USP47: variants seen among roughly 807,000 people sequenced by gnomAD.
The protein encoded by USP47 is ubiquitin specific peptidase 47.
A neutral mutation model predicts 165.1 loss-of-function variants in USP47; 35 were observed. The ratio of observed to expected loss-of-function variants is 0.21; its 90% CI spans 0.16 to 0.28. USP47 has a LOEUF of 0.28. Among genes scored for constraint, USP47 ranks in the 10% least tolerant of loss-of-function variants. USP47 has a pLI of 1.00. For synonymous variants in USP47, 531 were observed against 544.5 expected (o/e 0.98, Z 0.35); for missense variants, 1,277 against 1,607.4 (o/e 0.79, Z 3.52).
chr11:11,876,730 T>C (rs959855257), intron 1 of USP47, among the ~76,000 whole-genome samples: 1 of 152,212 alleles, frequency 6.6e-6, no homozygotes, highest in African/African-American at 2.4e-5. Context: ...AGCATGCTGA[T>C]TGATCCCAGG....
chr11:11,943,671 C>G (rs901936107), intron 20 of USP47: 1 of 152,064 alleles, frequency 6.6e-6, no homozygotes, highest in Non-Finnish European at 1.5e-5. Flanking sequence ...GGGAAAAGAT[C>G]TGAGAGTTTG....
intron 8 of USP47, among the ~76,000 whole-genome samples, chr11:11,916,918 G>A (rs929634486): frequency 6.6e-6 from 1 of 152,152 alleles, no homozygotes; most frequent in African/African-American, 2.4e-5. Context: ...GAGAGGCTGA[G>A]GCAGGAGGAT....
chr11:11,927,633 A>G (rs940568529), intron 11 of USP47, among the ~76,000 whole-genome samples: 3 of 152,102 alleles, frequency 2.0e-5, no homozygotes, highest in Non-Finnish European at 4.4e-5. Flanking sequence ...TTCATTTGCT[A>G]CATTTTGGAG....
intron 8 of USP47, among the ~76,000 whole-genome samples, chr11:11,906,992 A>C (rs1175726202): frequency 6.6e-6 from 1 of 152,120 alleles, no homozygotes; most frequent in Non-Finnish European, 1.5e-5. Flanking sequence ...CCATATATAC[A>C]TTTAATTTAG....
intron 1 of USP47, among the ~76,000 whole-genome samples, chr11:11,863,871 C>T (rs1590246919): frequency 6.6e-6 from 1 of 152,090 alleles, no homozygotes; most frequent in African/African-American, 2.4e-5. Flanking sequence ...TATTTTCTGG[C>T]AGTACAAGGT....
intron 11 of USP47, among the ~76,000 whole-genome samples, chr11:11,923,685 T>A (rs1388787200): frequency 6.6e-6 from 1 of 152,218 alleles, no homozygotes; most frequent in African/African-American, 2.4e-5. Context: ...TAGGGATTTT[T>A]AAGGCAATAT....
At chr11:11,874,134 T>C (rs2134262753) in intron 1 of USP47, among the ~76,000 whole-genome samples, 1 of 152,356 alleles carries the variant, frequency 6.6e-6, no homozygotes, top group East Asian at 1.9e-4. Context: ...TTTTTCCAGA[T>C]ATATTTATTT....
intron 1 of USP47, among the ~76,000 whole-genome samples, chr11:11,850,315 C>A (rs1296776862): frequency 7.0e-6 from 1 of 142,226 alleles, no homozygotes; most frequent in Non-Finnish European, 1.5e-5. Context: ...CATTTTTTTT[C>A]TTTGCTTTCT....
At chr11:11,892,132 A>C (rs372769356) in intron 4 of USP47, 26 bp downstream of exon 4, 2 of 1,604,478 alleles carry the variant, frequency 1.2e-6, no homozygotes, top group Non-Finnish European at 1.7e-6. Context: ...TTTTCATAAA[A>C]TCATAGGGCA....
rs752027703 is a variant in USP47 at position 11,943,078 on chromosome 11, T to C, written c.3057T>C (p.Tyr1019=). 46 of 1,612,886 alleles carry C rather than the reference T, an allele frequency of 2.9e-5. No homozygotes were observed. Among genetic ancestry groups the C allele is most frequent in the Non-Finnish European group, 3.7e-5 (44 of 1,179,406 alleles). The change falls in exon 20 of 28, where the codon TAT becomes TAC. Residue 1019 remains tyrosine, a synonymous_variant. Transcript: ENST00000527733. The stretch of plus-strand genomic sequence containing the variant: ...ACATGTATTTCAAAGCTGAACCTTA[T>C]GCTGCAGATGAAGGTTCTGGGGAAG... The part of the protein sequence containing the change: ...MQYMYFKAEP[Y]AADEGSGEGH...
chr11:11,878,453 T>G (rs1406117975), intron 1 of USP47, among the ~76,000 whole-genome samples: 1 of 152,212 alleles, frequency 6.6e-6, no homozygotes, highest in East Asian at 1.9e-4. Flanking sequence ...TCTTTCATCA[T>G]AAACCAGCAT....
chr11:11,847,794 A>C (rs182328744), intron 1 of USP47, among the ~76,000 whole-genome samples: 2 of 152,196 alleles, frequency 1.3e-5, no homozygotes, highest in Admixed American at 1.3e-4. Context: ...TGCCAGGGTT[A>C]CTTTCTAAAA....
At chr11:11,882,340 C>A (rs546276916) in intron 2 of USP47, among the ~76,000 whole-genome samples, 12 of 152,266 alleles carry the variant, frequency 7.9e-5, no homozygotes, top group African/African-American at 2.9e-4. Flanking sequence ...ATTTGGAGTA[C>A]ATATTTTAAG....
In USP47 at chr11:11,866,795, T is replaced by C. The variant is rs76525152; in HGVS notation, c.40-13382T>C. On this transcript the variant is annotated intron_variant, in intron 1 of 27. Coordinates refer to ENST00000527733, the MANE Select transcript of USP47 (RefSeq NM_001282659.2). ...ATGAAAGTATCATGCTCCAGTCTTA[T>C]GGCCCACACTTTTTCCTATTGACAA... Among the ~76,000 whole-genome samples the C allele has an allele frequency of 8.8e-3, 1,337 of 152,328 alleles. 17 individuals carry two copies. Among genetic ancestry groups the C allele is most frequent in the South Asian group, 0.025 (122 of 4,820 alleles).
rs1235401684 is a variant in USP47 at position 11,930,750 on chromosome 11, A to G, written c.1650A>G (p.Ala550=). The G allele has an allele frequency of 1.9e-6, 3 of 1,603,980 alleles. No individual in the cohort carries two copies. Among genetic ancestry groups the G allele is most frequent in the Non-Finnish European group, 2.6e-6 (3 of 1,176,224 alleles). Residue 550 remains alanine, a splice_region_variant and synonymous_variant, in exon 14 of 28, where the codon GCA becomes GCG. Transcript: ENST00000527733. ...GACTGAAGGATCCAGCCAGAAATGC[A>G]AGTATGTTTACCTACAGTTATTTGA... The part of the protein sequence containing the change: ...IYRLKDPARN[A]KFLEVDEYPE...
chr11:11,854,811 A>C (rs1848933342), intron 1 of USP47, among the ~76,000 whole-genome samples: 1 of 147,280 alleles, frequency 6.8e-6, no homozygotes, highest in Admixed American at 6.8e-5. Flanking sequence ...TGGAACACAT[A>C]GGCCGGGTGT....
Position 11,903,146 on chromosome 11 carries a change from A to G in USP47, c.740-117A>G, listed in dbSNP as rs1852335617. 5.0e-6 allele frequency: 5 copies of G among 998,614 alleles called. No individual in the cohort carries two copies. In the East Asian group the frequency reaches 8.1e-5, roughly 16 times the overall value. 61.9% of individuals were successfully genotyped at this position (998,614 alleles called of 1,614,324 possible). A position where few individuals can be genotyped will look rare whatever the true frequency, so the allele number is the denominator to read the frequency against. ...CATGTATATTCTTATGTTCTTTTTT[A>G]AATTTGGCATTATTTAAGGTAGACT... On this transcript the variant is annotated intron_variant, in intron 6 of 27. Coordinates refer to ENST00000527733, the MANE Select transcript of USP47 (RefSeq NM_001282659.2).
chr11:11,864,153 C>G (rs963427571), intron 1 of USP47, among the ~76,000 whole-genome samples: 2 of 151,540 alleles, frequency 1.3e-5, no homozygotes, highest in African/African-American at 4.8e-5. Flanking sequence ...ATATTAATTC[C>G]TTTAATAAAC....
chr11:11,948,885 C>A (rs1048115395), intron 22 of USP47: 2 of 215,064 alleles, frequency 9.3e-6, no homozygotes, highest in Non-Finnish European at 1.9e-5. Flanking sequence ...TGAAATGAGA[C>A]AAAATTTTCC....
Sources: allele counts gnomAD v4.1 joint callset (sites outside exome capture counted in the v4.1 genomes callset), GRCh38; gene constraint gnomAD v4.1.1; transcripts MANE v1.5; gene names NCBI Gene and HGNC (gene_info 2026-07-23, HGNC 2026-07-21).